RBBP5: variants seen among roughly 807,000 people sequenced by gnomAD.
RBBP5 encodes retinoblastoma-binding protein 5.
RBBP5 carries 5 observed loss-of-function variants against 72.2 expected under a neutral mutation model. The observed-to-expected ratio is 0.07, with a 90% confidence interval of 0.04 to 0.15. RBBP5 has a LOEUF of 0.15. Among genes scored for constraint, RBBP5 ranks in the 10% least tolerant of loss-of-function variants. The probability of loss-of-function intolerance (pLI) is 1.00; values close to 1 mark genes in which losing one functional copy is unlikely to be tolerated. For synonymous variants in RBBP5, 209 were observed against 237.2 expected (o/e 0.88, Z 1.09); for missense variants, 322 against 652.2 (o/e 0.49, Z 5.51).
intron 5 of RBBP5, among the ~76,000 whole-genome samples, 184 bp from the exon 6 acceptor site, chr1:205,101,893 TC>T (rs368316886): frequency 3.5e-5 from 4 of 112,886 alleles, no homozygotes; most frequent in South Asian, 3.3e-4. Context: ...CTTAATCTAG[TC>T]TTTTTTTTTT....
chr1:205,093,482 ATAT>A (rs1655459961), intron 13 of RBBP5, among the ~76,000 whole-genome samples: 3 of 5,846 alleles, frequency 5.1e-4, no homozygotes, highest in African/African-American at 8.9e-4. Flanking sequence ...AAAAAAAAAT[ATAT>A]ATATATATAT....
At chr1:205,090,328 T>C (rs901896618) in intron 13 of RBBP5, among the ~76,000 whole-genome samples, 3 of 152,158 alleles carry the variant, frequency 2.0e-5, no homozygotes, top group Non-Finnish European at 2.9e-5. Flanking sequence ...TAAATCATAA[T>C]AGGAGAAAGT....
intron 3 of RBBP5, among the ~76,000 whole-genome samples, chr1:205,105,604 G>C: frequency 6.6e-6 from 1 of 152,230 alleles, no homozygotes; most frequent in Middle Eastern, 3.4e-3. Context: ...ATTCCTCCTG[G>C]TAAGTACAGA....
intron 1 of RBBP5, among the ~76,000 whole-genome samples, chr1:205,119,018 C>T (rs1322934945): frequency 1.3e-5 from 2 of 152,234 alleles, no homozygotes; most frequent in African/African-American, 4.8e-5. Flanking sequence ...AACTTTCTCA[C>T]TTTAAAATGC....
intron 3 of RBBP5, among the ~76,000 whole-genome samples, chr1:205,107,902 C>T (rs1371284841): frequency 2.1e-5 from 3 of 143,532 alleles, no homozygotes; most frequent in Admixed American, 7.4e-5. Flanking sequence ...GCCGAGATCG[C>T]GCTATTGCAC....
intron 3 of RBBP5, among the ~76,000 whole-genome samples, chr1:205,111,650 C>T (rs1053159130): frequency 6.6e-6 from 1 of 152,182 alleles, no homozygotes; most frequent in African/African-American, 2.4e-5. Context: ...CTCATTATCT[C>T]CAGCCTAGAC....
intron 3 of RBBP5, among the ~76,000 whole-genome samples, chr1:205,108,175 G>T (rs1330690130): frequency 6.7e-6 from 1 of 149,674 alleles, no homozygotes; most frequent in Admixed American, 6.7e-5. Flanking sequence ...CTTGGGAGGC[G>T]GAGGTTGCAG....
chr1:205,097,812 A>G (rs1162519728), intron 10 of RBBP5, among the ~76,000 whole-genome samples: 2 of 152,178 alleles, frequency 1.3e-5, no homozygotes, highest in Non-Finnish European at 2.9e-5. Context: ...TTAGGCATGC[A>G]AGTTATCTAA....
Position 205,103,882 on chromosome 1 carries a change from A to G in RBBP5, c.497T>C (p.Ile166Thr). 1 of 1,613,936 alleles carries G rather than the reference A, an allele frequency of 6.2e-7. No individual in the cohort carries two copies. Among genetic ancestry groups the G allele is most frequent in the Non-Finnish European group, 8.5e-7 (1 of 1,179,796 alleles). ...VASFDRRGEY[I>T]YTGNAKGKIL... The stretch of plus-strand genomic sequence containing the variant: ...CTTGCCTTTTGCGTTTCCCGTATAA[A>G]TATATTCCCCTCGCCTATCAAAAGA... The change falls in exon 5 of 14, where the codon ATT (isoleucine) becomes ACT (threonine). Residue 166 changes from isoleucine (I) to threonine (T), a missense_variant. Coordinates refer to ENST00000264515, the MANE Select transcript of RBBP5 (RefSeq NM_005057.4).
chr1:205,101,532 A>T, intron 6 of RBBP5, 68 bp downstream of exon 6: 1 of 1,163,700 alleles, frequency 8.6e-7, no homozygotes, highest in Admixed American at 2.5e-5. Context: ...GAAAACTGCA[A>T]ATCTCCATGT....
At chr1:205,106,904 T>G (rs1558577894) in intron 3 of RBBP5, among the ~76,000 whole-genome samples, 1 of 151,564 alleles carries the variant, frequency 6.6e-6, no homozygotes, top group Non-Finnish European at 1.5e-5. Context: ...ATTTTAGAAC[T>G]GAAAAATATA....
intron 1 of RBBP5, among the ~76,000 whole-genome samples, chr1:205,121,370 C>G (rs1471475775): frequency 6.6e-6 from 1 of 152,180 alleles, no homozygotes; most frequent in Non-Finnish European, 1.5e-5. Context: ...TTGCTTAGTG[C>G]CTAGCCATTA....
At chr1:205,105,372 T>C (rs773680316) in intron 3 of RBBP5, among the ~76,000 whole-genome samples, 40 of 152,154 alleles carry the variant, frequency 2.6e-4, no homozygotes, top group Admixed American at 7.9e-4. Flanking sequence ...TATCTAGTAA[T>C]GGAAGCTCAT....
At position 205,105,182 on chromosome 1, in the gene RBBP5, A is replaced by G. The variant is rs1656005186; in HGVS notation, c.219-14T>C. 1 of 1,605,534 alleles carries G rather than the reference A, an allele frequency of 6.2e-7. No homozygotes were observed. The highest frequency in any genetic ancestry group is 8.5e-7 in the Non-Finnish European group (1 of 1,176,974). On this transcript the variant is annotated splice_polypyrimidine_tract_variant and intron_variant, in intron 3 of 13. Coordinates refer to ENST00000264515, the MANE Select transcript of RBBP5 (RefSeq NM_005057.4). Reference sequence around the variant, plus strand: ...TCTCGGCTCCAGCTGAGGAAAAAAAAGGGGTAATTTAGCACATATTCTAAG... The same window carrying G: ...TCTCGGCTCCAGCTGAGGAAAAAAAGGGGGTAATTTAGCACATATTCTAAG...
At chr1:205,096,162 C>A (rs368555686) in intron 12 of RBBP5, among the ~76,000 whole-genome samples, 1 of 152,016 alleles carries the variant, frequency 6.6e-6, no homozygotes, top group African/African-American at 2.4e-5. Flanking sequence ...CACTGCACTG[C>A]AGCCTGGGCA....
At chr1:205,117,037 C>A (rs559724679) in intron 1 of RBBP5, among the ~76,000 whole-genome samples, 1 of 151,790 alleles carries the variant, frequency 6.6e-6, no homozygotes, top group South Asian at 2.1e-4. Flanking sequence ...TGTTTTTCGA[C>A]CGGCCTGGTT....
chr1:205,106,404 G>A (rs528494775), intron 3 of RBBP5, among the ~76,000 whole-genome samples: 1 of 152,172 alleles, frequency 6.6e-6, no homozygotes, highest in Non-Finnish European at 1.5e-5. Flanking sequence ...AGACCAGCCT[G>A]GCCGACATGG....
rs867302931 is a variant in RBBP5 at position 205,106,506 on chromosome 1, G to A, written c.219-1338C>T. ...CAGCTACTCGGGAGGCTTGAGGCAG[G>A]AGAATCGCTTGAACCTGGGAGGCAG... On this transcript the variant is annotated intron_variant, in intron 3 of 13. Transcript: ENST00000264515. Among the ~76,000 whole-genome samples the A allele has an allele frequency of 5.3e-5, 8 of 152,158 alleles. No homozygotes were observed. The South Asian group carries it at 1.2e-3, about 24-fold the overall frequency.
chr1:205,090,851 G>A (rs1188764852), intron 13 of RBBP5, among the ~76,000 whole-genome samples: 8 of 151,282 alleles, frequency 5.3e-5, no homozygotes, highest in Admixed American at 5.3e-4. Flanking sequence ...TCTTCACAAG[G>A]AAAGGAAGGA....
Sources: allele counts gnomAD v4.1 joint callset (sites outside exome capture counted in the v4.1 genomes callset), GRCh38; gene constraint gnomAD v4.1.1; transcripts MANE v1.5; gene names NCBI Gene and HGNC (gene_info 2026-07-23, HGNC 2026-07-21).